ABCA5: variants seen among roughly 807,000 people sequenced by gnomAD.
ABCA5 encodes cholesterol transporter ABCA5.
Under a neutral mutation model 206.0 loss-of-function variants are expected in ABCA5, and 163 were observed. That is an observed-to-expected ratio of 0.79 (90% confidence interval 0.70 to 0.90). The LOEUF (loss-of-function observed/expected upper bound fraction) is 0.90. Among genes scored for constraint, ABCA5 ranks in the 40% least tolerant of loss-of-function variants. The pLI, the probability that ABCA5 is intolerant of heterozygous loss-of-function variation, is 0.00. For synonymous variants in ABCA5, 609 were observed against 613.8 expected, an observed-to-expected ratio of 0.99 and a Z score of 0.11; for missense variants, 1,859 against 1,912.9, an observed-to-expected ratio of 0.97 and a Z score of 0.53.
At chr17:69,301,908 A>C (rs1484995849) in intron 8 of ABCA5, among the ~76,000 whole-genome samples, 1 of 152,160 alleles carries the variant, frequency 6.6e-6, no homozygotes, top group African/African-American at 2.4e-5. Context: ...TGACACTGAA[A>C]GGCCATCCCA....
chr17:69,259,807 GAAC>G lies in ABCA5; in HGVS notation c.3640-13_3640-11del. Reference sequence around the variant, plus strand: ...CACACTGCAGGTAAGGCTAAAAGAAGAACATGTAGCAGCTCATGACTAAAAGAT... The same window carrying G: ...CACACTGCAGGTAAGGCTAAAAGAAGATGTAGCAGCTCATGACTAAAAGAT... On this transcript the variant is annotated splice_polypyrimidine_tract_variant and intron_variant, in intron 27 of 38. Coordinates refer to ENST00000392676, the MANE Select transcript of ABCA5 (RefSeq NM_172232.4). 6.5e-7 allele frequency: 1 copy of G among 1,528,538 alleles called. No individual in the cohort carries two copies. Among genetic ancestry groups the G allele is most frequent in the Non-Finnish European group, 8.9e-7 (1 of 1,119,008 alleles). The allele number at this position is 1,528,538 out of a possible 1,614,324, so 94.7% of individuals were successfully genotyped here.
rs2074957707 is a variant in ABCA5 at position 69,246,884 on chromosome 17, A to G, written c.*653T>C. ...TAAAACCTTCTGAATTTTACTTTAA[A>G]TTAAAGAAATGTAATTTCACATACC... On this transcript the variant is annotated 3_prime_UTR_variant, in exon 39 of 39. Coordinates refer to ENST00000392676, the MANE Select transcript of ABCA5 (RefSeq NM_172232.4). 6.6e-6 allele frequency: 1 copy of G among 151,960 alleles called. No homozygotes were observed. The highest frequency in any genetic ancestry group is 1.5e-5 in the Non-Finnish European group (1 of 67,830). The allele number at this position is 151,960 out of a possible 1,614,324, so 9.4% of individuals were successfully genotyped here.
intron 1 of ABCA5, among the ~76,000 whole-genome samples, chr17:69,320,662 C>T (rs555215726): frequency 1.3e-5 from 2 of 152,206 alleles, no homozygotes; most frequent in African/African-American, 2.4e-5. Flanking sequence ...TAAACTTTAA[C>T]GTTGATCTAA....
intron 14 of ABCA5, among the ~76,000 whole-genome samples, chr17:69,288,429 T>C (rs1317003735): frequency 6.6e-6 from 1 of 152,230 alleles, no homozygotes. Context: ...TCCTTTGATT[T>C]TGTTCTATTT....
In ABCA5 at chr17:69,289,217, C is replaced by A; in HGVS notation, c.1862G>T (p.Arg621Ile). 1 of 1,609,254 alleles carries A rather than the reference C, an allele frequency of 6.2e-7. No homozygotes were observed. Among genetic ancestry groups the A allele is most frequent in the South Asian group, 1.1e-5 (1 of 90,172 alleles). Residue 621 changes from arginine to isoleucine, a missense_variant, in exon 14 of 39, where the codon AGA becomes ATA. Physicochemically the swap from Arg to Ile is moderately conservative, Grantham distance 97. Transcript: ENST00000392676. The part of the protein sequence containing the change: ...QAKKLSGGQK[R>I]KLSLGIAVLG... Reference sequence around the variant, plus strand: ...AACAGCAATTCCTAATGACAGCTTTCTTTTTTGACCACCACTTAATTTTTT... The same window carrying A: ...AACAGCAATTCCTAATGACAGCTTTATTTTTTGACCACCACTTAATTTTTT...
chr17:69,321,055 C>G (rs1438871834), intron 1 of ABCA5, among the ~76,000 whole-genome samples: 1 of 152,038 alleles, frequency 6.6e-6, no homozygotes. Context: ...CACAAAGGCC[C>G]CTCTCTTCAC....
chr17:69,298,811 A>G (rs933141711), intron 9 of ABCA5, among the ~76,000 whole-genome samples: 43 of 152,342 alleles, frequency 2.8e-4, no homozygotes, highest in African/African-American at 1.0e-3. Context: ...TGCAACAAAA[A>G]CAAAGATAGA....
At chr17:69,252,016 A>ACTTTTATATTTTTTTTTTT in intron 34 of ABCA5, 150 bp from the exon 35 acceptor site, 2 of 612,598 alleles carry the variant, frequency 3.3e-6, no homozygotes, top group Non-Finnish European at 5.2e-6. Flanking sequence ...CCCAACTATG[A>ACTTTTATATTTTTTTTTTT]TTTTTTTTTT....
chr17:69,301,283 T>C lies in ABCA5; in HGVS notation c.1123A>G (p.Met375Val), dbSNP rs763406202. ...CCTTCATTAAAATCTTCTAAATGCA[T>C]GACCTGAAAAATACAAACACTAACT... ...CTFVIGIAQV[M>V]HLEDFNEGAS... Residue 375 changes from methionine (M) to valine (V), a missense_variant, in exon 9 of 39, where the codon ATG becomes GTG. By Grantham distance (21) the Met-to-Val change is conservative. Coordinates refer to ENST00000392676, the MANE Select transcript of ABCA5 (RefSeq NM_172232.4). The C allele has an allele frequency of 6.3e-7, 1 of 1,588,138 alleles. No individual in the cohort carries two copies. The highest frequency in any genetic ancestry group is 1.2e-5 in the South Asian group (1 of 85,618).
chr17:69,304,491 A>G, intron 7 of ABCA5, 178 bp downstream of exon 7: 2 of 490,162 alleles, frequency 4.1e-6, no homozygotes. Flanking sequence ...ATTTTGTAAC[A>G]TTACTAAAAA....
chr17:69,279,066 T>C (rs1207052606), intron 18 of ABCA5, among the ~76,000 whole-genome samples: 1 of 151,226 alleles, frequency 6.6e-6, no homozygotes, highest in Non-Finnish European at 1.5e-5. Context: ...AAATAAAGGG[T>C]ATTCAATTAG....
At position 69,309,271 on chromosome 17, in the gene ABCA5, C is replaced by T. The variant is rs749243368; in HGVS notation, c.460G>A (p.Asp154Asn). Residue 154 changes from aspartate (D) to asparagine (N), a missense_variant, in exon 4 of 39, where the codon GAT (aspartate) becomes AAT (asparagine). Physicochemically the swap from Asp to Asn is conservative, Grantham distance 23. Transcript: ENST00000392676. The stretch of plus-strand genomic sequence containing the variant: ...ATGTAGGGCTATTTACCTCTTGAAT[C>T]CATATAAATAGAAGATACTGGAATC... ...DMIPVSSIYM[D>N]SRAGCSKSCE... 1 of 1,565,402 alleles carries T rather than the reference C, an allele frequency of 6.4e-7. No individual in the cohort carries two copies. Among genetic ancestry groups the T allele is most frequent in the African/African-American group, 1.4e-5 (1 of 71,926 alleles).
chr17:69,321,945 A>C (rs531147821), intron 1 of ABCA5, among the ~76,000 whole-genome samples: 1 of 152,184 alleles, frequency 6.6e-6, no homozygotes. Context: ...TACTAAATCC[A>C]ATAAGTTGCA....
At chr17:69,250,904 G>A (rs1357782454) in intron 35 of ABCA5, 1 of 190,292 alleles carries the variant, frequency 5.3e-6, no homozygotes, top group Non-Finnish European at 1.1e-5. Flanking sequence ...TTCTATTAGT[G>A]TCCTTTGTTT....
intron 7 of ABCA5, among the ~76,000 whole-genome samples, chr17:69,303,793 T>TATATATATATATATATATATATAC (rs2075679229): frequency 2.2e-4 from 1 of 4,488 alleles, no homozygotes; most frequent in African/African-American, 2.8e-4. Context: ...AAAATATATA[T>TATATATATATATATATATATATAC]ATATATATAT....
chr17:69,285,827 G>C, intron 17 of ABCA5, 71 bp downstream of exon 17: 1 of 1,436,834 alleles, frequency 7.0e-7, no homozygotes, highest in Non-Finnish European at 9.3e-7. Flanking sequence ...GAAACAAAAA[G>C]GAAATCAATG....
In ABCA5 at chr17:69,256,783, A is replaced by G. The variant is rs533618054; in HGVS notation, c.3732-500T>C. Among the ~76,000 whole-genome samples the G allele has an allele frequency of 5.9e-5, 9 of 152,194 alleles. No individual in the cohort carries two copies. The South Asian group carries it at 1.9e-3, about 31-fold the overall frequency. On this transcript the variant is annotated intron_variant, in intron 28 of 38. Coordinates refer to ENST00000392676, the MANE Select transcript of ABCA5 (RefSeq NM_172232.4). The stretch of plus-strand genomic sequence containing the variant: ...AAGCATTATTTTTCAATGACTGATA[A>G]CATTTGGACGATATTATCTAAATTC...
intron 37 of ABCA5, 182 bp downstream of exon 37, chr17:69,249,723 G>T: frequency 2.8e-6 from 2 of 708,826 alleles, no homozygotes; most frequent in Non-Finnish European, 2.2e-6. Flanking sequence ...ATCTGCCATA[G>T]TTTCTAAAAT....
intron 19 of ABCA5, among the ~76,000 whole-genome samples, chr17:69,274,703 A>T (rs1298268961): frequency 6.6e-6 from 1 of 152,192 alleles, no homozygotes; most frequent in Non-Finnish European, 1.5e-5. Flanking sequence ...ATTTTAGATC[A>T]GTGATGCCCT....
Sources: gnomAD v4.1 joint callset for allele counts (sites outside exome capture counted in the v4.1 genomes callset) on GRCh38, gnomAD v4.1.1 for gene constraint, MANE v1.5 for transcripts, NCBI Gene and HGNC (gene_info 2026-07-23, HGNC 2026-07-21) for gene names.